Variants in ROCK2 observed in about 807,000 individuals in gnomAD.
ROCK2 encodes Rho associated coiled-coil containing protein kinase 2.
ROCK2 carries 61 observed loss-of-function variants against 195.1 expected under a neutral mutation model. The observed-to-expected ratio is 0.31, with a 90% confidence interval of 0.25 to 0.39. ROCK2 has a LOEUF of 0.39. Among genes scored for constraint, ROCK2 ranks in the 10% least tolerant of loss-of-function variants. The probability of loss-of-function intolerance (pLI) is 1.00; values close to 1 mark genes in which losing one functional copy is unlikely to be tolerated. For missense variants in ROCK2, 1,109 were observed against 1,637.4 expected (o/e 0.68, Z 5.57); for synonymous variants, 504 against 545.5 (o/e 0.92, Z 1.06).
chr2:11,197,520 T>C lies in ROCK2; in HGVS notation c.3279+6A>G. 1 of 1,609,466 alleles carries C rather than the reference T, an allele frequency of 6.2e-7. No homozygotes were observed. Among genetic ancestry groups the C allele is most frequent in the Non-Finnish European group, 8.5e-7 (1 of 1,178,428 alleles). Reference sequence around the variant, plus strand: ...CTTCAGTCTAGAGTCCAAAAAGTATTCTTACTGCCTGCATTTCATTCAGTT... The same window carrying C: ...CTTCAGTCTAGAGTCCAAAAAGTATCCTTACTGCCTGCATTTCATTCAGTT... On this transcript the variant is annotated splice_donor_region_variant and intron_variant, in intron 26 of 32. Transcript: ENST00000315872. The surrounding 1 kb of genome is among the most constrained non-coding windows in gnomAD (Gnocchi z 4.9).
rs1244716305 is a variant in ROCK2, at chr2:11,185,239, G to GTGTC, written c.4164-1800_4164-1799insGACA. ...AAAGCAGCTTTCTGAATTCCAGTAGGACCCTGCCTGCTCAATGTGTCACCA... is the reference window on the plus strand; with the variant it reads ...AAAGCAGCTTTCTGAATTCCAGTAGGTGTCACCCTGCCTGCTCAATGTGTCACCA... On this transcript the variant is annotated intron_variant, in intron 32 of 32. Coordinates refer to ENST00000315872, the MANE Select transcript of ROCK2 (RefSeq NM_004850.5). 4.6e-5 allele frequency among the ~76,000 whole-genome samples: 7 copies of GTGTC among 152,292 alleles called. No homozygotes were observed. The East Asian group carries it at 1.3e-3, about 29-fold the overall frequency.
At chr2:11,233,000 G>C (rs1258379739) in intron 5 of ROCK2, among the ~76,000 whole-genome samples, 1 of 152,096 alleles carries the variant, frequency 6.6e-6, no homozygotes, top group African/African-American at 2.4e-5. Flanking sequence ...GATCACTTGA[G>C]CCCAGGAGTT....
At chr2:11,280,611 T>C (rs192070190) in intron 3 of ROCK2, among the ~76,000 whole-genome samples, 36 of 152,096 alleles carry the variant, frequency 2.4e-4, no homozygotes, top group Middle Eastern at 3.4e-3. Flanking sequence ...GCCTGGGCAA[T>C]AGAGCAAGAA....
At chr2:11,331,511 G>A (rs1668764423) in intron 1 of ROCK2, among the ~76,000 whole-genome samples, 1 of 151,922 alleles carries the variant, frequency 6.6e-6, no homozygotes, top group Admixed American at 6.6e-5. Flanking sequence ...AAAGAAATAA[G>A]TTTATAAGCT....
chr2:11,233,774 TAC>T (rs545127704), intron 5 of ROCK2, among the ~76,000 whole-genome samples: 218 of 152,266 alleles, frequency 1.4e-3, no homozygotes, highest in African/African-American at 5.0e-3. Flanking sequence ...GAACATATAG[TAC>T]ACTATACTAA....
intron 1 of ROCK2, chr2:11,308,027 G>A (rs1400597263): frequency 6.4e-7 from 1 of 1,574,104 alleles, no homozygotes; most frequent in South Asian, 1.2e-5. Context: ...GACCAGCCAT[G>A]TCAGAGGTGA....
intron 4 of ROCK2, among the ~76,000 whole-genome samples, chr2:11,240,185 T>C (rs1052653541): frequency 1.3e-5 from 2 of 152,170 alleles, no homozygotes; most frequent in Non-Finnish European, 2.9e-5. Context: ...CAATACCTCC[T>C]TCTCCCTCTC....
At chr2:11,268,302 C>T (rs1201755548) in intron 3 of ROCK2, among the ~76,000 whole-genome samples, 2 of 152,146 alleles carry the variant, frequency 1.3e-5, no homozygotes, top group African/African-American at 2.4e-5. Context: ...GGTGAGACCC[C>T]ACACCTTTAC....
At chr2:11,190,405 G>A (rs79006006) in intron 32 of ROCK2, among the ~76,000 whole-genome samples, 2 of 151,194 alleles carry the variant, frequency 1.3e-5, no homozygotes, top group Non-Finnish European at 2.9e-5. Flanking sequence ...AAAAGTAAAT[G>A]TACTCTCAAA....
Position 11,183,118 on chromosome 2 carries a change from T to A in ROCK2, c.*319A>T. 1 of 243,398 alleles carries A rather than the reference T, an allele frequency of 4.1e-6. No homozygotes were observed. The highest frequency in any genetic ancestry group is 7.9e-6 in the Non-Finnish European group (1 of 126,254). The allele number at this position is 243,398 out of a possible 1,614,324, so 15.1% of individuals were successfully genotyped here. A position where few individuals can be genotyped will look rare whatever the true frequency, so the allele number is the denominator to read the frequency against. On this transcript the variant is annotated 3_prime_UTR_variant, in exon 33 of 33. Transcript: ENST00000315872. ...TTGAAGCTAGAAAAGATGTTTTCTTTAGCCTTTAACTCTTCTCAATCCTTG... is the reference window on the plus strand; with the variant it reads ...TTGAAGCTAGAAAAGATGTTTTCTTAAGCCTTTAACTCTTCTCAATCCTTG...
chr2:11,212,781 TCA>T (rs1664293789), intron 17 of ROCK2, among the ~76,000 whole-genome samples: 1 of 152,070 alleles, frequency 6.6e-6, no homozygotes, highest in Admixed American at 6.5e-5. Context: ...AATCACTACT[TCA>T]CACAGTCTTT....
intron 29 of ROCK2, 173 bp downstream of exon 29, chr2:11,194,083 A>G (rs1221343073): frequency 2.2e-6 from 1 of 457,872 alleles, no homozygotes; most frequent in African/African-American, 2.0e-5. Flanking sequence ...GGCCCATGAA[A>G]TAAAGATGTT....
At chr2:11,334,590 A>G (rs1024086159) in intron 1 of ROCK2, among the ~76,000 whole-genome samples, 2 of 152,108 alleles carry the variant, frequency 1.3e-5, no homozygotes, top group Non-Finnish European at 2.9e-5. Context: ...GACTCGTACT[A>G]AAAGAGCTCA....
At position 11,211,843 on chromosome 2, in the gene ROCK2, A is replaced by G. The variant is rs1175617765; in HGVS notation, c.2044-3T>C. ...TCTATTTCCATGTTGCTTTTTTCCT[A>G]TTAAATATTTAAAATGCAGCTATCA... On this transcript the variant is annotated splice_region_variant and splice_polypyrimidine_tract_variant and intron_variant, in intron 17 of 32. Coordinates refer to ENST00000315872, the MANE Select transcript of ROCK2 (RefSeq NM_004850.5). The G allele has an allele frequency of 6.4e-7, 1 of 1,567,336 alleles. No homozygotes were observed. Among genetic ancestry groups the G allele is most frequent in the African/African-American group, 1.4e-5 (1 of 72,162 alleles).
In ROCK2 at chr2:11,201,439, G is replaced by A; in HGVS notation, c.2620-26C>T. On this transcript the variant is annotated intron_variant, in intron 21 of 32. Coordinates refer to ENST00000315872, the MANE Select transcript of ROCK2 (RefSeq NM_004850.5). This position sits in a 1 kb window ranked among gnomAD's most constrained non-coding sequence, Gnocchi z 4.6. ...CTAAATAGCAAAATACAACAGAAAT[G>A]CGTATCATCATCAGAAATATTACTT... 8.6e-7 allele frequency: 1 copy of A among 1,165,380 alleles called. No individual in the cohort carries two copies. The highest frequency in any genetic ancestry group is 1.3e-6 in the Non-Finnish European group (1 of 774,990). The allele number at this position is 1,165,380 out of a possible 1,614,324, so 72.2% of individuals were successfully genotyped here.
At chr2:11,337,342 C>A (rs1038777043) in intron 1 of ROCK2, among the ~76,000 whole-genome samples, 3 of 150,686 alleles carry the variant, frequency 2.0e-5, no homozygotes, top group Admixed American at 6.6e-5. Context: ...TCTTTATATA[C>A]AAAAGAACTT....
chr2:11,262,935 T>C (rs1195957015), intron 3 of ROCK2, among the ~76,000 whole-genome samples: 3 of 152,166 alleles, frequency 2.0e-5, no homozygotes, highest in Non-Finnish European at 4.4e-5. Context: ...ATGAATCTAC[T>C]TGACAGACCT....
chr2:11,207,665 C>A, intron 20 of ROCK2, 61 bp downstream of exon 20: 1 of 1,315,952 alleles, frequency 7.6e-7, no homozygotes, highest in Non-Finnish European at 1.0e-6. Context: ...CACAGATACA[C>A]CAAAATTAAC....
intron 1 of ROCK2, among the ~76,000 whole-genome samples, chr2:11,338,759 A>G (rs1572428949): frequency 6.6e-6 from 1 of 152,338 alleles, no homozygotes; most frequent in South Asian, 2.1e-4. Context: ...AGACAATTCA[A>G]CAATGAGAAA....
Sources: allele counts gnomAD v4.1 joint callset (sites outside exome capture counted in the v4.1 genomes callset), GRCh38; gene constraint gnomAD v4.1.1; non-coding constraint Gnocchi (gnomAD v3.1); transcripts MANE v1.5; gene names NCBI Gene and HGNC (gene_info 2026-07-23, HGNC 2026-07-21).